Variants in SAMD4A observed in about 807,000 individuals in gnomAD.
SAMD4A encodes the protein protein Smaug homolog 1.
In SAMD4A, 33 loss-of-function variants were observed where a neutral mutation model predicts 81.3. That is an observed-to-expected ratio of 0.41 (90% CI 0.31 to 0.54). The LOEUF (loss-of-function observed/expected upper bound fraction) is 0.54, where lower values mean the gene tolerates loss of function less well. SAMD4A is among the 20% of genes least tolerant of loss of function. The probability of loss-of-function intolerance (pLI) is 0.37; values close to 1 mark genes in which losing one functional copy is unlikely to be tolerated. For missense variants in SAMD4A, 854 were observed against 951.1 expected (o/e 0.90, Z 1.34); for synonymous variants, 389 against 382.1 (o/e 1.02, Z -0.21).
chr14:54,678,510 TGTGTGTAG>T (rs1168193003), intron 2 of SAMD4A, among the ~76,000 whole-genome samples: 2 of 112,340 alleles, frequency 1.8e-5, no homozygotes, highest in Admixed American at 9.0e-5. Context: ...TGTGTGTGTG[TGTGTGTAG>T]GTCAGGTGGG....
At chr14:54,568,690 CATATATATATATATATATAT>C (rs59190435) in intron 2 of SAMD4A, among the ~76,000 whole-genome samples, 319 of 31,890 alleles carry the variant, frequency 0.01, 8 homozygotes, top group Middle Eastern at 0.028. Flanking sequence ...ACATTTGCAG[CATATATATATATATATATAT>C]ATATATATAT....
chr14:54,782,620 A>G (rs992192399), intron 11 of SAMD4A, among the ~76,000 whole-genome samples: 5 of 152,214 alleles, frequency 3.3e-5, no homozygotes, highest in Admixed American at 6.5e-5. Flanking sequence ...TTGTCTTCCA[A>G]ACCCATCGAT....
intron 2 of SAMD4A, among the ~76,000 whole-genome samples, chr14:54,630,245 A>G (rs1043690114): frequency 1.3e-5 from 2 of 152,146 alleles, no homozygotes; most frequent in South Asian, 4.1e-4. Context: ...TATTTTGAGG[A>G]ACTGCCATAC....
At chr14:54,722,989 C>G (rs1478040751) in intron 3 of SAMD4A, among the ~76,000 whole-genome samples, 1 of 152,124 alleles carries the variant, frequency 6.6e-6, no homozygotes, top group Admixed American at 6.5e-5. Context: ...ATGAAAAGCT[C>G]TATACCAACC....
In SAMD4A at chr14:54,635,426, A is replaced by AAAT. The variant is rs958039741; in HGVS notation, c.197-66621_197-66619dup. 4.6e-5 allele frequency among the ~76,000 whole-genome samples: 7 copies of AAAT among 151,630 alleles called. No individual in the cohort carries two copies. In the Middle Eastern group the frequency reaches 0.01, roughly 221 times the overall value. On this transcript the variant is annotated intron_variant, in intron 2 of 12. Coordinates refer to ENST00000554335, the MANE Select transcript of SAMD4A (RefSeq NM_015589.6). ...GACAACAAGAATGAAACTCCATCTC[A>AAAT]AATAATAATAATAATAAAATAAAAT...
intron 2 of SAMD4A, among the ~76,000 whole-genome samples, chr14:54,697,111 G>T (rs1464375897): frequency 6.6e-6 from 1 of 152,254 alleles, no homozygotes; most frequent in Non-Finnish European, 1.5e-5. Context: ...ACAGAGGCCA[G>T]TGGGCAGTTG....
chr14:54,582,472 G>C (rs115576905), intron 2 of SAMD4A, among the ~76,000 whole-genome samples: 4 of 152,060 alleles, frequency 2.6e-5, no homozygotes, highest in Admixed American at 6.5e-5. Flanking sequence ...AAGATGCCTC[G>C]TCGTCCCCTG....
At chr14:54,691,199 C>T (rs1315118314) in intron 2 of SAMD4A, among the ~76,000 whole-genome samples, 1 of 152,152 alleles carries the variant, frequency 6.6e-6, no homozygotes, top group Non-Finnish European at 1.5e-5. Flanking sequence ...GTTTTTGTGC[C>T]TGCCTTTGTT....
intron 3 of SAMD4A, among the ~76,000 whole-genome samples, chr14:54,727,833 GAC>G (rs1566606964): frequency 6.6e-6 from 1 of 151,970 alleles, no homozygotes; most frequent in East Asian, 1.9e-4. Context: ...CACACACACA[GAC>G]ACACACGCAC....
At chr14:54,660,662 G>A (rs1457390283) in intron 2 of SAMD4A, among the ~76,000 whole-genome samples, 1 of 152,166 alleles carries the variant, frequency 6.6e-6, no homozygotes, top group Non-Finnish European at 1.5e-5. Context: ...AAGGACTGGA[G>A]AAGACATCAA....
At chr14:54,784,305 A>G (rs1466160883) in intron 11 of SAMD4A, 7 of 1,501,678 alleles carry the variant, frequency 4.7e-6, no homozygotes, top group Admixed American at 2.0e-5. Context: ...AGACTGTGAC[A>G]TGACCAGCTA....
intron 9 of SAMD4A, among the ~76,000 whole-genome samples, chr14:54,771,008 C>T (rs745881659): frequency 5.3e-5 from 8 of 151,608 alleles, no homozygotes; most frequent in Non-Finnish European, 1.2e-4. Flanking sequence ...TTCACTTGCA[C>T]CTGAAAGGGT....
intron 8 of SAMD4A, among the ~76,000 whole-genome samples, chr14:54,765,563 G>T (rs1294831093): frequency 6.6e-6 from 1 of 151,946 alleles, no homozygotes; most frequent in African/African-American, 2.4e-5. Context: ...GGTGGCCAAG[G>T]CTACAGTGAG....
intron 2 of SAMD4A, among the ~76,000 whole-genome samples, chr14:54,629,466 A>G (rs1238584970): frequency 6.6e-6 from 1 of 152,232 alleles, no homozygotes; most frequent in East Asian, 1.9e-4. Flanking sequence ...ATACAGAGTG[A>G]TACATGAATA....
chr14:54,735,964 G>T (rs892756620), intron 3 of SAMD4A, among the ~76,000 whole-genome samples: 1 of 152,198 alleles, frequency 6.6e-6, no homozygotes, highest in Non-Finnish European at 1.5e-5. Context: ...GTTTAAAAAT[G>T]CATGTGGCTC....
chr14:54,764,320 T>C (rs1364591160), intron 7 of SAMD4A, 135 bp from the exon 8 acceptor site: 4 of 660,150 alleles, frequency 6.1e-6, no homozygotes. Context: ...CCTCTTGGCC[T>C]TTTTTGTGAG....
chr14:54,767,341 T>C (rs1381513824), intron 8 of SAMD4A, among the ~76,000 whole-genome samples: 1 of 151,874 alleles, frequency 6.6e-6, no homozygotes, highest in African/African-American at 2.4e-5. Context: ...AGGTATTGAG[T>C]GGGCCAGGAC....
At chr14:54,621,196 T>C (rs1163680122) in intron 2 of SAMD4A, among the ~76,000 whole-genome samples, 2 of 152,298 alleles carry the variant, frequency 1.3e-5, no homozygotes, top group East Asian at 3.9e-4. Context: ...ACTTTTCAAA[T>C]AGCAACTCTT....
chr14:54,709,452 T>C (rs34393407), intron 3 of SAMD4A, among the ~76,000 whole-genome samples: 22,842 of 151,956 alleles, frequency 0.15, 2,157 homozygotes, highest in South Asian at 0.32. Context: ...GTATCTTTTA[T>C]TGGTTGCAGA....
Sources: gnomAD v4.1 joint callset for allele counts (sites outside exome capture counted in the v4.1 genomes callset) on GRCh38, gnomAD v4.1.1 for gene constraint, MANE v1.5 for transcripts, NCBI Gene and HGNC (gene_info 2026-07-23, HGNC 2026-07-21) for gene names.